DCANP1: variants seen among roughly 807,000 people sequenced by gnomAD.
The protein encoded by DCANP1 is dendritic cell associated nuclear protein 1, also known as dendritic cell nuclear protein 1.
For missense variants in DCANP1, 328 were observed against 293.7 expected, an observed-to-expected ratio of 1.12 and a Z score of -0.85; for synonymous variants, 139 against 124.2, an observed-to-expected ratio of 1.12 and a Z score of -0.79.
chr5:135,446,372 G>A lies in DCANP1; in HGVS notation c.*2C>T. The A allele has an allele frequency of 6.3e-7, 1 of 1,595,446 alleles. No individual in the cohort carries two copies. The highest frequency in any genetic ancestry group is 8.6e-7 in the Non-Finnish European group (1 of 1,168,296). Reference sequence around the variant, plus strand: ...CTTGCGTGTGTGCACACGCACACATGTTCACTCAGGCACGTGGGCTGCCCT... The same window carrying A: ...CTTGCGTGTGTGCACACGCACACATATTCACTCAGGCACGTGGGCTGCCCT... On this transcript the variant is annotated 3_prime_UTR_variant, in exon 1 of 1. Transcript: ENST00000503143.
chr5:135,445,560 C>T lies in DCANP1; in HGVS notation c.*814G>A, dbSNP rs1046025497. ...GGACTGCTGCCTTGACCACCAGAGCCCCCCCGTCTGTGCATCTGTCCTCTG... is the reference window on the plus strand; with the variant it reads ...GGACTGCTGCCTTGACCACCAGAGCTCCCCCGTCTGTGCATCTGTCCTCTG... On this transcript the variant is annotated 3_prime_UTR_variant, in exon 1 of 1. Coordinates refer to ENST00000503143, the MANE Select transcript of DCANP1 (RefSeq NM_130848.3). 1 of 152,472 alleles carries T rather than the reference C, an allele frequency of 6.6e-6. No individual in the cohort carries two copies. Among genetic ancestry groups the T allele is most frequent in the Non-Finnish European group, 1.5e-5 (1 of 68,272 alleles). The allele number at this position is 152,472 out of a possible 1,614,324, so 9.4% of individuals were successfully genotyped here.
chr5:135,447,020 G>A lies in DCANP1; in HGVS notation c.89C>T (p.Ala30Val). The A allele has an allele frequency of 1.2e-6, 2 of 1,613,892 alleles. No homozygotes were observed. The highest frequency in any genetic ancestry group is 1.7e-6 in the Non-Finnish European group (2 of 1,179,840). The change falls in exon 1 of 1, where the codon GCT becomes GTT. Residue 30 changes from alanine (A) to valine (V), a missense_variant. Transcript: ENST00000503143. ...VPGHQRLERGAGGETPEFPGC... is the reference protein window; with the variant it reads ...VPGHQRLERGVGGETPEFPGC... ...TGGGAACTCTGGGGTTTCCCCACCA[G>A]CTCCTCTCTCCAGTCTTTGGTGTCC... is the stretch of plus-strand genomic sequence containing the variant.
rs984393838 is a variant in DCANP1 at position 135,444,887 on chromosome 5, C to T, written c.*1487G>A. 2.0e-5 allele frequency: 3 copies of T among 152,302 alleles called. No individual in the cohort carries two copies. Among genetic ancestry groups the T allele is most frequent in the Non-Finnish European group, 4.4e-5 (3 of 68,100 alleles). The allele number at this position is 152,302 out of a possible 1,614,324, so 9.4% of individuals were successfully genotyped here. Reference sequence around the variant, plus strand: ...AGCCACCCATCCTATGAAACTCACTCCTTTGGGTTAAGCATCACGTTCTCA... The same window carrying T: ...AGCCACCCATCCTATGAAACTCACTTCTTTGGGTTAAGCATCACGTTCTCA... On this transcript the variant is annotated 3_prime_UTR_variant, in exon 1 of 1. Transcript: ENST00000503143.
chr5:135,444,797 G>C lies in DCANP1; in HGVS notation c.*1577C>G, dbSNP rs375583820. 6.6e-6 allele frequency: 1 copy of C among 152,262 alleles called. No homozygotes were observed. The highest frequency in any genetic ancestry group is 1.5e-5 in the Non-Finnish European group (1 of 68,068). The allele number at this position is 152,262 out of a possible 1,614,324, so 9.4% of individuals were successfully genotyped here. A position where few individuals can be genotyped will look rare whatever the true frequency, so the allele number is the denominator to read the frequency against. On this transcript the variant is annotated 3_prime_UTR_variant, in exon 1 of 1. Coordinates refer to ENST00000503143, the MANE Select transcript of DCANP1 (RefSeq NM_130848.3). ...ACAAAGTCTTGCTCTACACGTTTCT[G>C]TAGTGACCGTCCATTTGAAGGGATA...
rs749686404 is a variant in DCANP1, at chr5:135,446,950, C to T, written c.159G>A (p.Leu53=). ...CCTGGAGAGGGGCACTCAGGGGCAG[C>T]AGCTCATTCCCAAAGTTCTCTGGTG... ...PAPPENFGNE[L]LPLSAPLQGL... Residue 53 remains leucine (L), a synonymous_variant, in exon 1 of 1, where the codon CTG becomes CTA. Transcript: ENST00000503143. 10 of 1,612,692 alleles carry T rather than the reference C, an allele frequency of 6.2e-6. No individual in the cohort carries two copies. The East Asian group carries it at 2.2e-4, about 36-fold the overall frequency.
Position 135,446,822 on chromosome 5 carries a change from G to A in DCANP1, c.287C>T (p.Ser96Phe). 2 of 1,613,942 alleles carry A rather than the reference G, an allele frequency of 1.2e-6. No individual in the cohort carries two copies. Among genetic ancestry groups the A allele is most frequent in the Non-Finnish European group, 1.7e-6 (2 of 1,179,844 alleles). ...VQFLHRGLCNSNLSSEASARP... is the reference protein window; with the variant it reads ...VQFLHRGLCNFNLSSEASARP... ...CGCAGATGCTTCACTCGAAAGATTG[G>A]AGTTGCAGAGTCCCCTGTGGAGGAA... Residue 96 changes from serine (S) to phenylalanine (F), a missense_variant, in exon 1 of 1, where the codon TCC becomes TTC. Physicochemically the swap from Ser to Phe is radical, Grantham distance 155. Coordinates refer to ENST00000503143, the MANE Select transcript of DCANP1 (RefSeq NM_130848.3).
rs1413066168 is a variant in DCANP1 at position 135,445,093 on chromosome 5, A to T, written c.*1281T>A. 1 of 152,114 alleles carries T rather than the reference A, an allele frequency of 6.6e-6. No individual in the cohort carries two copies. 9.4% of individuals were successfully genotyped at this position (152,114 alleles called of 1,614,324 possible). On this transcript the variant is annotated 3_prime_UTR_variant, in exon 1 of 1. Coordinates refer to ENST00000503143, the MANE Select transcript of DCANP1 (RefSeq NM_130848.3). ...CTCAGTCCAGCCAGCCCAACCTCTGATTGCTATCCTCAGAGCCCCTCCAGG... is the reference window on the plus strand; with the variant it reads ...CTCAGTCCAGCCAGCCCAACCTCTGTTTGCTATCCTCAGAGCCCCTCCAGG...
In DCANP1 at chr5:135,447,127, G is replaced by T. The variant is rs371513289; in HGVS notation, c.-19C>A. The T allele has an allele frequency of 1.2e-6, 2 of 1,613,928 alleles. No homozygotes were observed. Reference sequence around the variant, plus strand: ...AATGCATAGTTGGGGGACCATTTTGGTCAGTGACAGATCACTGCTGCTTTT... The same window carrying T: ...AATGCATAGTTGGGGGACCATTTTGTTCAGTGACAGATCACTGCTGCTTTT... On this transcript the variant is annotated 5_prime_UTR_variant, in exon 1 of 1. Transcript: ENST00000503143.
In DCANP1 at chr5:135,447,184, C is replaced by A; in HGVS notation, c.-76G>T. On this transcript the variant is annotated 5_prime_UTR_variant, in exon 1 of 1. In the 5' UTR this introduces an upstream ATG that the reference lacks. Coordinates refer to ENST00000503143, the MANE Select transcript of DCANP1 (RefSeq NM_130848.3). Reference sequence around the variant, plus strand: ...ACCAAAATACATGTGGCTTCTTCTCCTTGCCAGCCCTACCAGGGCATCTCC... The same window carrying A: ...ACCAAAATACATGTGGCTTCTTCTCATTGCCAGCCCTACCAGGGCATCTCC... 1 of 1,575,016 alleles carries A rather than the reference C, an allele frequency of 6.3e-7. No individual in the cohort carries two copies. The highest frequency in any genetic ancestry group is 8.7e-7 in the Non-Finnish European group (1 of 1,149,656).
chr5:135,446,934 G>T lies in DCANP1; in HGVS notation c.175C>A (p.Pro59Thr). 1 of 1,612,756 alleles carries T rather than the reference G, an allele frequency of 6.2e-7. No homozygotes were observed. Among genetic ancestry groups the T allele is most frequent in the South Asian group, 1.1e-5 (1 of 90,862 alleles). ...FGNELLPLSA[P>T]LQGLSEGLYP... ...AGACCCTCACTGAGGCCCTGGAGAG[G>T]GGCACTCAGGGGCAGCAGCTCATTC... Residue 59 changes from proline to threonine, a missense_variant, in exon 1 of 1, where the codon CCT becomes ACT. Coordinates refer to ENST00000503143, the MANE Select transcript of DCANP1 (RefSeq NM_130848.3).
Position 135,445,014 on chromosome 5 carries a change from G to C in DCANP1, c.*1360C>G, listed in dbSNP as rs10059928. On this transcript the variant is annotated 3_prime_UTR_variant, in exon 1 of 1. Coordinates refer to ENST00000503143, the MANE Select transcript of DCANP1 (RefSeq NM_130848.3). ...GGGCTGGCCTGCATAGCCCAGGGGTGGAGAGAGGGGTCAGACTAGAACCTA... is the reference window on the plus strand; with the variant it reads ...GGGCTGGCCTGCATAGCCCAGGGGTCGAGAGAGGGGTCAGACTAGAACCTA... 43,438 of 152,122 alleles carry C rather than the reference G, an allele frequency of 0.29. 6,630 individuals carry two copies. The highest frequency in any genetic ancestry group is 0.38 in the African/African-American group (15,777 of 41,420). The allele number at this position is 152,122 out of a possible 1,614,324, so 9.4% of individuals were successfully genotyped here.
Position 135,446,243 on chromosome 5 carries a change from G to T in DCANP1, c.*131C>A. 1 of 1,090,080 alleles carries T rather than the reference G, an allele frequency of 9.2e-7. No individual in the cohort carries two copies. Among genetic ancestry groups the T allele is most frequent in the Non-Finnish European group, 1.3e-6 (1 of 756,590 alleles). 67.5% of individuals were successfully genotyped at this position (1,090,080 alleles called of 1,614,324 possible). A position where few individuals can be genotyped will look rare whatever the true frequency, so the allele number is the denominator to read the frequency against. On this transcript the variant is annotated 3_prime_UTR_variant, in exon 1 of 1. Coordinates refer to ENST00000503143, the MANE Select transcript of DCANP1 (RefSeq NM_130848.3). ...TCACAGAACTATAGTAAGTGGGGGT[G>T]GGGACAAGAATTCTAACCCAGGCAG...
the DCANP1 span, chr5:135,446,862 C>A: frequency 6.2e-7 from 1 of 1,613,808 alleles, no homozygotes; most frequent in Non-Finnish European, 8.5e-7. Flanking sequence ...ACTGCCCCCT[C>A]TCGCAGGACC....
At position 135,445,203 on chromosome 5, in the gene DCANP1, C is replaced by T. The variant is rs1769233495; in HGVS notation, c.*1171G>A. ...AGAACTGTCTCTCTGTGACATGCACCCTGTCAAATCCATAAACCTTCCTCA... is the reference window on the plus strand; with the variant it reads ...AGAACTGTCTCTCTGTGACATGCACTCTGTCAAATCCATAAACCTTCCTCA... On this transcript the variant is annotated 3_prime_UTR_variant, in exon 1 of 1. Coordinates refer to ENST00000503143, the MANE Select transcript of DCANP1 (RefSeq NM_130848.3). The T allele has an allele frequency of 6.6e-6, 1 of 152,164 alleles. No individual in the cohort carries two copies. Among genetic ancestry groups the T allele is most frequent in the Non-Finnish European group, 1.5e-5 (1 of 68,074 alleles). The allele number at this position is 152,164 out of a possible 1,614,324, so 9.4% of individuals were successfully genotyped here.
chr5:135,446,367 C>T lies in DCANP1; in HGVS notation c.*7G>A, dbSNP rs761536447. 1.9e-6 allele frequency: 3 copies of T among 1,591,566 alleles called. No homozygotes were observed. The highest frequency in any genetic ancestry group is 1.3e-5 in the African/African-American group (1 of 74,478). On this transcript the variant is annotated 3_prime_UTR_variant, in exon 1 of 1. Transcript: ENST00000503143. ...GCATACTTGCGTGTGTGCACACGCA[C>T]ACATGTTCACTCAGGCACGTGGGCT...
Position 135,446,926 on chromosome 5 carries a change from CTGG to C in DCANP1, c.180_182del (p.Gln61del), listed in dbSNP as rs1561707273. 18 of 1,613,086 alleles carry C rather than the reference CTGG, an allele frequency of 1.1e-5. No homozygotes were observed. The highest frequency in any genetic ancestry group is 2.2e-5 in the South Asian group (2 of 90,966). ...GAGGGTAGAGACCCTCACTGAGGCCCTGGAGAGGGGCACTCAGGGGCAGCAGCT... is the reference window on the plus strand; with the variant it reads ...GAGGGTAGAGACCCTCACTGAGGCCCAGAGGGGCACTCAGGGGCAGCAGCT... On this transcript the variant is annotated inframe_deletion, in exon 1 of 1. Coordinates refer to ENST00000503143, the MANE Select transcript of DCANP1 (RefSeq NM_130848.3).
chr5:135,446,448 G>A lies in DCANP1; in HGVS notation c.661C>T (p.Arg221Trp), dbSNP rs750575659. The A allele has an allele frequency of 2.0e-5, 32 of 1,613,160 alleles. No homozygotes were observed. The highest frequency in any genetic ancestry group is 1.8e-4 in the South Asian group (16 of 91,068). Residue 221 changes from arginine to tryptophan, a missense_variant, in exon 1 of 1, where the codon CGG (arginine) becomes TGG (tryptophan). Transcript: ENST00000503143. Reference protein sequence around the residue: ...SLTCSDSQSRRVSSSQQPPLH... With the variant: ...SLTCSDSQSRWVSSSQQPPLH... ...GGAGGTTGTTGGGAGGAACTCACCC[G>A]CCTGCTCTGGCTGTCTGAGCAGGTG...
chr5:135,447,056 T>TC, the DCANP1 span: 1 of 1,613,876 alleles, frequency 6.2e-7, no homozygotes, highest in Admixed American at 1.7e-5. Context: ...AGGTACAGTC[T>TC]CCAGGCCGTG....
rs1018183386 is a variant in DCANP1, at chr5:135,447,331, G to A, written c.-223C>T. ...CTAGTTGGGGAATCACAGAGCACAG[G>A]TAAGCCCTTGGGTTCTGGAGCCAGC... On this transcript the variant is annotated 5_prime_UTR_variant, in exon 1 of 1. Transcript: ENST00000503143. The A allele has an allele frequency of 6.6e-6, 4 of 609,098 alleles. No homozygotes were observed. Among genetic ancestry groups the A allele is most frequent in the African/African-American group, 3.7e-5 (2 of 53,662 alleles). The allele number at this position is 609,098 out of a possible 1,614,324, so 37.7% of individuals were successfully genotyped here.
Sources: gnomAD v4.1 joint callset for allele counts on GRCh38, gnomAD v4.1.1 for gene constraint, MANE v1.5 for transcripts, NCBI Gene and HGNC (gene_info 2026-07-23, HGNC 2026-07-21) for gene names.